DUX4: variants seen among roughly 807,000 people sequenced by gnomAD.
DUX4 encodes double homeobox 4.
At chr4:190,176,406 C>T (rs1303523191), downstream of DUX4, among the ~76,000 whole-genome samples, 2 of 110,056 alleles carry the variant, frequency 1.8e-5, 1 homozygote, top group Non-Finnish European at 4.2e-5. Context: ...GTTACATCAC[C>T]TTGGGGATCA....
chr4:190,175,510 C>T (rs1742242836), intron 1 of DUX4, 137 bp from the exon 2 acceptor site: 1 of 101,116 alleles, frequency 9.9e-6, no homozygotes, highest in African/African-American at 3.2e-5. Context: ...TGACACCGCT[C>T]CGGCGGCTCG....
At chr4:190,181,214 T>A (rs1742552439) in intron 1 of DUX4, among the ~76,000 whole-genome samples, 15 of 150,500 alleles carry the variant, frequency 1.0e-4, no homozygotes, top group African/African-American at 2.4e-4. Flanking sequence ...CAGAGATATG[T>A]CACATTGCCC....
At position 190,182,064 on chromosome 4, in the gene DUX4, A is replaced by T. The variant is rs1290741268; in HGVS notation, n.93-3277A>T. The T allele has an allele frequency of 2.5e-4, 29 of 116,276 alleles. 1 individual carries two copies. In the South Asian group the frequency reaches 3.9e-3, roughly 15 times the overall value. The allele number at this position is 116,276 out of a possible 1,614,324, so 7.2% of individuals were successfully genotyped here. A position where few individuals can be genotyped will look rare whatever the true frequency, so the allele number is the denominator to read the frequency against. On this transcript the variant is annotated intron_variant and non_coding_transcript_variant, in intron 1 of 2. Coordinates refer to the DUX4 transcript ENST00000563716. ...CCCCCATAGGCAGAGCCTAGACAAG[A>T]GTTCCATCACCTGTGTGATCAGTGT...
downstream of DUX4, among the ~76,000 whole-genome samples, chr4:190,178,062 AGAGATAC>A (rs1742402720): frequency 6.9e-6 from 1 of 144,384 alleles, no homozygotes; most frequent in African/African-American, 2.5e-5. Context: ...TGATCAGTGC[AGAGATAC>A]GTCACAATGC....
chr4:190,177,830 G>T (rs1742388705), downstream of DUX4, among the ~76,000 whole-genome samples: 191 of 11,124 alleles, frequency 0.017, no homozygotes, highest in South Asian at 0.027. Flanking sequence ...CCTAGACAAG[G>T]GTTACATCAC....
At chr4:190,176,399 A>T (rs1361398014), downstream of DUX4, among the ~76,000 whole-genome samples, 2 of 110,476 alleles carry the variant, frequency 1.8e-5, 1 homozygote, top group Non-Finnish European at 4.2e-5. Context: ...GACAGGAGTT[A>T]CATCACCTTG....
chr4:190,175,689 C>A lies in DUX4; in HGVS notation c.*279C>A, dbSNP rs1184975394. The A allele has an allele frequency of 6.2e-6, 1 of 161,210 alleles. No homozygotes were observed. Among genetic ancestry groups the A allele is most frequent in the Non-Finnish European group, 1.2e-5 (1 of 84,880 alleles). 10.0% of individuals were successfully genotyped at this position (161,210 alleles called of 1,614,324 possible). A position where few individuals can be genotyped will look rare whatever the true frequency, so the allele number is the denominator to read the frequency against. On this transcript the variant is annotated 3_prime_UTR_variant, in exon 2 of 2. Coordinates refer to ENST00000565211, the MANE Select transcript of DUX4 (RefSeq NM_001306068.3). ...ACCCCGGCTGACGTGCAAGGGAGCT[C>A]GCTGGCCTCTCTGTGCCCTTGTTCT...
downstream of DUX4, among the ~76,000 whole-genome samples, chr4:190,176,772 C>T (rs1299851385): frequency 6.8e-5 from 8 of 118,132 alleles, no homozygotes; most frequent in African/African-American, 1.9e-4. Context: ...GAGATATGTA[C>T]CAGTGTCCCC....
chr4:190,176,191 G>T (rs1202597239), downstream of DUX4, among the ~76,000 whole-genome samples: 5 of 112,054 alleles, frequency 4.5e-5, no homozygotes, highest in African/African-American at 1.3e-4. Context: ...CTTGACAAGG[G>T]TTACATCACC....
intron 1 of DUX4, among the ~76,000 whole-genome samples, chr4:190,181,748 G>T (rs1340184526): frequency 1.4e-4 from 21 of 148,390 alleles, no homozygotes; most frequent in Admixed American, 2.7e-4. Flanking sequence ...GGTGATCAGT[G>T]CAGAGATATG....
intron 1 of DUX4, among the ~76,000 whole-genome samples, chr4:190,181,566 CGT>C (rs1742582587): frequency 1.2e-3 from 19 of 16,252 alleles, no homozygotes; most frequent in Admixed American, 2.3e-3. Flanking sequence ...CACTATGCCC[CGT>C]AGGCAGAGCC....
chr4:190,177,534 C>CG (rs1742373121), downstream of DUX4, among the ~76,000 whole-genome samples: 1 of 148,398 alleles, frequency 6.7e-6, no homozygotes, highest in Non-Finnish European at 1.5e-5. Flanking sequence ...GTCACAATTC[C>CG]CCTTTAGGCA....
At chr4:190,177,350 A>G (rs1742361852), downstream of DUX4, among the ~76,000 whole-genome samples, 2 of 132,040 alleles carry the variant, frequency 1.5e-5, no homozygotes, top group East Asian at 2.3e-4. Flanking sequence ...GAGCCTAGAC[A>G]AGAGTTACAT....
At chr4:190,175,558 C>T (rs1269766943) in intron 1 of DUX4, 89 bp from the exon 2 acceptor site, 1 of 164,794 alleles carries the variant, frequency 6.1e-6, no homozygotes, top group African/African-American at 2.6e-5. Flanking sequence ...GCCCGCCCGC[C>T]CGGGCCCCTG....
chr4:190,175,963 A>T (rs1391194362), downstream of DUX4: 4 of 109,812 alleles, frequency 3.6e-5, 1 homozygote, highest in African/African-American at 8.0e-5. Flanking sequence ...TCAGAACTCC[A>T]TAGTAGACTG....
downstream of DUX4, among the ~76,000 whole-genome samples, chr4:190,178,575 G>GT (rs1742434623): frequency 6.8e-6 from 1 of 146,152 alleles, no homozygotes; most frequent in Non-Finnish European, 1.5e-5. Context: ...TGTAGGCAGA[G>GT]GGTAGACAAG....
chr4:190,176,391 C>T (rs1241121795), downstream of DUX4, among the ~76,000 whole-genome samples: 2 of 103,774 alleles, frequency 1.9e-5, 1 homozygote, highest in Non-Finnish European at 4.4e-5. Flanking sequence ...TGAACCTAGA[C>T]AGGAGTTACA....
At chr4:190,175,896 C>G (rs1315075701), downstream of DUX4, 9 of 129,310 alleles carry the variant, frequency 7.0e-5, 1 homozygote, top group Non-Finnish European at 1.2e-4. Context: ...ACAATATCCC[C>G]TGTAGAAAAA....
At chr4:190,182,202 G>GAGGGTTAGGGTGAGGGTT (rs1742605482) in intron 1 of DUX4, 1 of 102,336 alleles carries the variant, frequency 9.8e-6, no homozygotes, top group Non-Finnish European at 2.2e-5. Flanking sequence ...GGGTGAGGGT[G>GAGGGTTAGGGTGAGGGTT]AGGGTTAGGG....
Sources: gnomAD v4.1 joint callset for allele counts (sites outside exome capture counted in the v4.1 genomes callset) on GRCh38, gnomAD v4.1.1 for gene constraint, MANE v1.5 for transcripts, NCBI Gene and HGNC (gene_info 2026-07-23, HGNC 2026-07-21) for gene names.